FBXL7: variants seen among roughly 807,000 people sequenced by gnomAD.
The protein encoded by FBXL7 is F-box/LRR-repeat protein 7.
A neutral mutation model predicts 38.3 loss-of-function variants in FBXL7; 12 were observed. That is an observed-to-expected ratio of 0.31 (90% CI 0.20 to 0.51). FBXL7 has a LOEUF of 0.51. Among genes scored for constraint, FBXL7 ranks in the 20% least tolerant of loss-of-function variants. The pLI is 0.98. For synonymous variants in FBXL7, 297 were observed against 300.9 expected (o/e 0.99, Z 0.13); for missense variants, 567 against 676.4 (o/e 0.84, Z 1.79).
chr5:15,812,542 T>C (rs1407814687), intron 2 of FBXL7, among the ~76,000 whole-genome samples: 2 of 152,000 alleles, frequency 1.3e-5, no homozygotes, highest in Non-Finnish European at 2.9e-5. Context: ...AGCCTTGTAG[T>C]ATAGTTTGAA....
intron 2 of FBXL7, among the ~76,000 whole-genome samples, chr5:15,734,779 A>T (rs1735703137): frequency 1.3e-5 from 2 of 152,264 alleles, no homozygotes; most frequent in South Asian, 4.1e-4. Flanking sequence ...GAAGTATTCA[A>T]GGAGCACTCA....
At chr5:15,933,155 TC>T in intron 3 of FBXL7, among the ~76,000 whole-genome samples, 1 of 152,254 alleles carries the variant, frequency 6.6e-6, no homozygotes, top group South Asian at 2.1e-4. Context: ...TTTCTTTTCA[TC>T]CCAAACCTAG....
At position 15,813,984 on chromosome 5, in the gene FBXL7, G is replaced by A. The variant is rs184763654; in HGVS notation, c.128-113906G>A. On this transcript the variant is annotated intron_variant, in intron 2 of 3. Transcript: ENST00000504595. ...ATGCTTTTACACTGTTGGTGGGAGT[G>A]TAAATTAGTTCAGCCATTGTGGAAG... is the stretch of plus-strand genomic sequence containing the variant. Among the ~76,000 whole-genome samples the A allele has an allele frequency of 4.1e-4, 63 of 152,308 alleles. No individual in the cohort carries two copies. The Middle Eastern group carries it at 0.014, about 33-fold the overall frequency.
At chr5:15,836,756 A>C (rs989734352) in intron 2 of FBXL7, among the ~76,000 whole-genome samples, 15 of 152,336 alleles carry the variant, frequency 9.8e-5, no homozygotes, top group African/African-American at 2.9e-4. Flanking sequence ...GTTTAGGAGC[A>C]GAGGGTAATG....
chr5:15,674,258 G>A (rs1466668517), intron 2 of FBXL7, among the ~76,000 whole-genome samples: 2 of 152,190 alleles, frequency 1.3e-5, no homozygotes, highest in African/African-American at 2.4e-5. Flanking sequence ...ATATCTGTAC[G>A]TAGTTCACAG....
At chr5:15,826,257 A>T (rs1270055551) in intron 2 of FBXL7, among the ~76,000 whole-genome samples, 1 of 152,202 alleles carries the variant, frequency 6.6e-6, no homozygotes, top group Non-Finnish European at 1.5e-5. Context: ...CACATTTGAA[A>T]ACATTTTAAA....
chr5:15,874,421 G>A (rs1209425733), intron 2 of FBXL7, among the ~76,000 whole-genome samples: 10 of 152,224 alleles, frequency 6.6e-5, no homozygotes, highest in Admixed American at 5.9e-4. Context: ...GGTCAGGGCA[G>A]TCAGGCAAGA....
At chr5:15,836,003 A>C (rs1382292222) in intron 2 of FBXL7, among the ~76,000 whole-genome samples, 1 of 152,166 alleles carries the variant, frequency 6.6e-6, no homozygotes, top group Non-Finnish European at 1.5e-5. Flanking sequence ...TAATACTTAG[A>C]TAGGTTATAG....
chr5:15,554,181 T>G (rs141854063), intron 1 of FBXL7, among the ~76,000 whole-genome samples: 2,404 of 152,218 alleles, frequency 0.016, 34 homozygotes, highest in Non-Finnish European at 0.026. Flanking sequence ...AGAATGGATT[T>G]GTTGAGGTGG....
At chr5:15,929,987 G>A (rs768829306) in intron 3 of FBXL7, among the ~76,000 whole-genome samples, 17 of 152,112 alleles carry the variant, frequency 1.1e-4, no homozygotes, top group Non-Finnish European at 8.8e-5. Flanking sequence ...AGCTAAAGCC[G>A]GCTCTCAGCT....
intron 2 of FBXL7, among the ~76,000 whole-genome samples, chr5:15,752,500 A>C (rs1193653953): frequency 2.0e-5 from 3 of 152,178 alleles, no homozygotes; most frequent in African/African-American, 7.2e-5. Flanking sequence ...TCAGTTTCTC[A>C]GTGCATTTTA....
intron 1 of FBXL7, among the ~76,000 whole-genome samples, chr5:15,603,599 G>T (rs1187961971): frequency 6.6e-6 from 1 of 152,198 alleles, no homozygotes; most frequent in African/African-American, 2.4e-5. Context: ...CGATTTTAAA[G>T]AATTCATCTG....
intron 2 of FBXL7, among the ~76,000 whole-genome samples, chr5:15,650,046 T>G (rs1253083156): frequency 6.6e-6 from 1 of 152,214 alleles, no homozygotes; most frequent in Non-Finnish European, 1.5e-5. Flanking sequence ...AAAAGTCACT[T>G]CAGTGCACTG....
At chr5:15,915,363 C>T (rs1419959846) in intron 2 of FBXL7, among the ~76,000 whole-genome samples, 1 of 152,142 alleles carries the variant, frequency 6.6e-6, no homozygotes, top group African/African-American at 2.4e-5. Context: ...GAGTAGGATC[C>T]TTTCTTGCTT....
intron 2 of FBXL7, among the ~76,000 whole-genome samples, chr5:15,668,703 G>A (rs1742364326): frequency 6.6e-6 from 1 of 152,010 alleles, no homozygotes; most frequent in Non-Finnish European, 1.5e-5. Context: ...CTAACCTCCA[G>A]GCTTTTTATA....
intron 1 of FBXL7, among the ~76,000 whole-genome samples, chr5:15,535,683 C>T (rs547498373): frequency 5.3e-5 from 8 of 152,094 alleles, no homozygotes; most frequent in Non-Finnish European, 8.8e-5. Context: ...ATAGTATGCT[C>T]ATATGTGTTC....
chr5:15,775,398 C>T (rs1489785146), intron 2 of FBXL7, among the ~76,000 whole-genome samples: 1 of 152,028 alleles, frequency 6.6e-6, no homozygotes, highest in Non-Finnish European at 1.5e-5. Context: ...CACACACACA[C>T]ACACAAATAC....
chr5:15,925,137 G>A (rs1425446105), intron 2 of FBXL7, among the ~76,000 whole-genome samples: 1 of 152,178 alleles, frequency 6.6e-6, no homozygotes, highest in Admixed American at 6.5e-5. Flanking sequence ...TGCAAAATTA[G>A]GAAAATATAT....
At chr5:15,799,028 A>C (rs1737489555) in intron 2 of FBXL7, among the ~76,000 whole-genome samples, 1 of 152,206 alleles carries the variant, frequency 6.6e-6, no homozygotes, top group African/African-American at 2.4e-5. Flanking sequence ...TTTTCTATGT[A>C]CTGACAACCA....
Sources: gnomAD v4.1 joint callset for allele counts (sites outside exome capture counted in the v4.1 genomes callset) on GRCh38, gnomAD v4.1.1 for gene constraint, MANE v1.5 for transcripts, NCBI Gene and HGNC (gene_info 2026-07-23, HGNC 2026-07-21) for gene names.